LCMT1: variants seen among roughly 807,000 people sequenced by gnomAD.
LCMT1 encodes [Phosphatase 2A protein]-leucine-carboxy methyltransferase 1.
Under a neutral mutation model 47.7 loss-of-function variants are expected in LCMT1, and 32 were observed. The ratio of observed to expected loss-of-function variants is 0.67; its 90% CI spans 0.51 to 0.90. The LOEUF is 0.90. Among genes scored for constraint, LCMT1 ranks in the 40% least tolerant of loss-of-function variants. The pLI is 0.00. For synonymous variants in LCMT1, 152 were observed against 149.7 expected, an observed-to-expected ratio of 1.02 and a Z score of -0.11; for missense variants, 375 against 415.2, an observed-to-expected ratio of 0.90 and a Z score of 0.84.
chr16:25,146,043 T>C (rs1960839503), intron 4 of LCMT1: 1 of 152,114 alleles, frequency 6.6e-6, no homozygotes, highest in Non-Finnish European at 1.5e-5. Context: ...TACCCAGCAA[T>C]GGAGTAGGAC....
At chr16:25,174,773 C>T in intron 9 of LCMT1, 164 bp from the exon 10 acceptor site, 1 of 393,246 alleles carries the variant, frequency 2.5e-6, no homozygotes, top group Non-Finnish European at 4.5e-6. Context: ...TTCTTCTTTT[C>T]AGTGAAAAGA....
chr16:25,163,467 C>CA (rs11318381), intron 6 of LCMT1, among the ~76,000 whole-genome samples: 1,351 of 97,356 alleles, frequency 0.014, 27 homozygotes, highest in African/African-American at 0.044. Flanking sequence ...GACTCTGTCT[C>CA]AAAAAAAAAA....
chr16:25,161,707 A>G (rs1961439668), intron 6 of LCMT1, among the ~76,000 whole-genome samples: 1 of 152,192 alleles, frequency 6.6e-6, no homozygotes, highest in Non-Finnish European at 1.5e-5. Flanking sequence ...TAAAAATACT[A>G]GTGCCTAATT....
At chr16:25,173,692 AT>A (rs1382368297) in intron 9 of LCMT1, among the ~76,000 whole-genome samples, 1 of 150,444 alleles carries the variant, frequency 6.6e-6, no homozygotes, top group Non-Finnish European at 1.5e-5. Flanking sequence ...GTGTGTACCT[AT>A]TTTGACAGAA....
chr16:25,121,139 C>CA (rs1597559653), intron 1 of LCMT1, among the ~76,000 whole-genome samples: 1 of 151,284 alleles, frequency 6.6e-6, no homozygotes, highest in Non-Finnish European at 1.5e-5. Flanking sequence ...TCAAGAATGT[C>CA]AATTTTGGCC....
rs1267365255 is a variant in LCMT1 at position 25,170,762 on chromosome 16, A to G, written c.841A>G (p.Met281Val). The G allele has an allele frequency of 6.2e-7, 1 of 1,613,634 alleles. No homozygotes were observed. Among genetic ancestry groups the G allele is most frequent in the Admixed American group, 1.7e-5 (1 of 60,004 alleles). The change falls in exon 9 of 11, where the codon ATG (methionine) becomes GTG (valine). Residue 281 changes from methionine (M) to valine (V), a missense_variant. Met to Val is a conservative substitution (Grantham distance 21). Transcript: ENST00000399069. ...GTGGGAAACAGCATCGGCCGTCGAC[A>G]TGATGGAGTTGTACAACAGGTTACC... ...NGWETASAVD[M>V]MELYNRLPRA...
At chr16:25,124,627 G>A (rs1037932331) in intron 1 of LCMT1, among the ~76,000 whole-genome samples, 1 of 152,254 alleles carries the variant, frequency 6.6e-6, no homozygotes, top group Non-Finnish European at 1.5e-5. Context: ...TAGGCCAGGT[G>A]AGCAGGGAGG....
At chr16:25,169,795 A>T (rs1305785789) in intron 8 of LCMT1, among the ~76,000 whole-genome samples, 3 of 152,152 alleles carry the variant, frequency 2.0e-5, no homozygotes, top group Non-Finnish European at 2.9e-5. Flanking sequence ...CAGGATTTAA[A>T]CATTGTCCAC....
At chr16:25,164,393 C>T (rs1277547676) in intron 6 of LCMT1, among the ~76,000 whole-genome samples, 1 of 152,128 alleles carries the variant, frequency 6.6e-6, no homozygotes, top group Non-Finnish European at 1.5e-5. Context: ...CAAATCATTT[C>T]TCACTGCTCA....
Position 25,154,038 on chromosome 16 carries a change from C to T in LCMT1, c.466+2423C>T, listed in dbSNP as rs745387739. ...TTTATTTTATTTTTTGAGATGGAGT[C>T]TCCCTCTGTCACCCAGGCTGGAGTG... On this transcript the variant is annotated intron_variant, in intron 5 of 10. Transcript: ENST00000399069. 5.7e-4 allele frequency among the ~76,000 whole-genome samples: 87 copies of T among 152,036 alleles called. 2 individuals are homozygous for T. Among genetic ancestry groups the T allele is most frequent in the Admixed American group, 1.3e-4 (2 of 15,276 alleles).
At chr16:25,150,261 C>T (rs1352032374) in intron 4 of LCMT1, among the ~76,000 whole-genome samples, 1 of 147,746 alleles carries the variant, frequency 6.8e-6, no homozygotes, top group Admixed American at 6.8e-5. Flanking sequence ...AGTCTTTTAT[C>T]TAGGAAAGGG....
chr16:25,169,448 CA>C (rs1175138358), intron 8 of LCMT1: 1 of 391,434 alleles, frequency 2.6e-6, no homozygotes, highest in Non-Finnish European at 4.7e-6. Context: ...AATTTTCAAA[CA>C]AACATAAAGG....
At chr16:25,116,796 G>A (rs927618385) in intron 1 of LCMT1, among the ~76,000 whole-genome samples, 1 of 151,868 alleles carries the variant, frequency 6.6e-6, no homozygotes, top group African/African-American at 2.4e-5. Context: ...TGGGGCTGGT[G>A]TGGGAGATCA....
At chr16:25,123,153 C>T (rs1164620598) in intron 1 of LCMT1, among the ~76,000 whole-genome samples, 2 of 151,910 alleles carry the variant, frequency 1.3e-5, no homozygotes, top group African/African-American at 4.8e-5. Context: ...GCCATTTGTC[C>T]CCATACCAAC....
intron 1 of LCMT1, 63 bp from the exon 2 acceptor site, chr16:25,128,412 A>C: frequency 8.2e-7 from 1 of 1,222,548 alleles, no homozygotes; most frequent in South Asian, 1.4e-5. Context: ...GGAACTTGGC[A>C]GTGGACCTTG....
At chr16:25,135,284 A>AAAAAAAAAAAAAAAATATATAT (rs1555482753) in intron 3 of LCMT1, among the ~76,000 whole-genome samples, 2 of 140,610 alleles carry the variant, frequency 1.4e-5, no homozygotes, top group African/African-American at 5.1e-5. Context: ...TTTCTTTTAA[A>AAAAAAAAAAAAAAAATATATAT]ATATATATCT....
chr16:25,178,093 C>T lies in LCMT1; in HGVS notation c.*70C>T, dbSNP rs778502060. The T allele has an allele frequency of 1.9e-5, 28 of 1,507,458 alleles. No homozygotes were observed. The African/African-American group carries it at 3.7e-4, about 20-fold the overall frequency. The allele number at this position is 1,507,458 out of a possible 1,614,324, so 93.4% of individuals were successfully genotyped here. ...CTCCTGGAGGAGACCTGCAAGCTCC[C>T]TGAGCGGTGGGCGGGCCTCGTCCGC... On this transcript the variant is annotated 3_prime_UTR_variant, in exon 11 of 11. Transcript: ENST00000399069.
chr16:25,175,275 A>G (rs1961895864), intron 10 of LCMT1, among the ~76,000 whole-genome samples: 1 of 151,946 alleles, frequency 6.6e-6, no homozygotes, highest in African/African-American at 2.4e-5. Flanking sequence ...AGCTGGGACT[A>G]CAGGAGCCTG....
rs1337678137 is a variant in LCMT1 at position 25,151,575 on chromosome 16, C to A, written c.426C>A (p.Ser142Arg). The A allele has an allele frequency of 6.2e-7, 1 of 1,613,458 alleles. No individual in the cohort carries two copies. Among genetic ancestry groups the A allele is most frequent in the Non-Finnish European group, 8.5e-7 (1 of 1,179,566 alleles). ...ATAGATGCAAGCCTCCCCTATCCAG[C>A]CCCATTCTAGAACTGCATTCAGAGG... ...HSIKCKPPLS[S>R]PILELHSEDT... Residue 142 changes from serine (S) to arginine (R), a missense_variant, in exon 5 of 11, where the codon AGC becomes AGA. Ser to Arg is a moderately radical substitution (Grantham distance 110). Transcript: ENST00000399069.
Sources: allele counts gnomAD v4.1 joint callset (sites outside exome capture counted in the v4.1 genomes callset), GRCh38; gene constraint gnomAD v4.1.1; transcripts MANE v1.5; gene names NCBI Gene and HGNC (gene_info 2026-07-23, HGNC 2026-07-21).